The following MRE11 variants were observed in gnomAD, a reference collection of about 807,000 sequenced individuals.
MRE11 encodes the protein MRE11 double strand break repair nuclease, also known as double-strand break repair protein MRE11.
Under a neutral mutation model 91.7 loss-of-function variants are expected in MRE11, and 62 were observed. The observed-to-expected ratio is 0.68, with a 90% confidence interval of 0.55 to 0.84. The LOEUF (loss-of-function observed/expected upper bound fraction) is 0.84. Ranked by LOEUF, MRE11 falls within the 40% of genes least tolerant of loss-of-function variation. The pLI is 0.00. For synonymous variants in MRE11, 273 were observed against 271.4 expected, an observed-to-expected ratio of 1.01 and a Z score of -0.06; for missense variants, 796 against 852.9, an observed-to-expected ratio of 0.93 and a Z score of 0.83.
intron 16 of MRE11, among the ~76,000 whole-genome samples, chr11:94,443,843 C>T (rs762995034): frequency 4.0e-5 from 6 of 151,682 alleles, no homozygotes; most frequent in Non-Finnish European, 5.9e-5. Context: ...ACATTTTACA[C>T]GATAGAACAT....
At position 94,419,263 on chromosome 11, in the gene MRE11, T is replaced by C. The variant is rs1387336533; in HGVS notation, c.*862A>G. ...ATATTGTTAATGAGAAATCCTGGCA[T>C]TGACATTCCACATTAAATATATTTC... is the stretch of plus-strand genomic sequence containing the variant. On this transcript the variant is annotated 3_prime_UTR_variant, in exon 20 of 20. Coordinates refer to ENST00000323929, the MANE Select transcript of MRE11 (RefSeq NM_005591.4). The C allele has an allele frequency of 2.6e-5, 6 of 232,866 alleles. No individual in the cohort carries two copies. The highest frequency in any genetic ancestry group is 1.8e-4 in the South Asian group (1 of 5,526). The allele number at this position is 232,866 out of a possible 1,614,324, so 14.4% of individuals were successfully genotyped here.
chr11:94,457,320 G>C (rs1038905220), intron 13 of MRE11, among the ~76,000 whole-genome samples: 82 of 152,278 alleles, frequency 5.4e-4, no homozygotes, highest in African/African-American at 1.8e-3. Flanking sequence ...AGCCTGAGTG[G>C]ATAGATTTAA....
chr11:94,469,455 A>G (rs1000831298), intron 9 of MRE11, among the ~76,000 whole-genome samples: 2 of 152,182 alleles, frequency 1.3e-5, no homozygotes, highest in Non-Finnish European at 2.9e-5. Context: ...GGAAGGGCAC[A>G]TGACTCAGGC....
chr11:94,452,229 C>CCCTA (rs1381671205), intron 14 of MRE11, among the ~76,000 whole-genome samples: 1 of 148,954 alleles, frequency 6.7e-6, no homozygotes, highest in Non-Finnish European at 1.5e-5. Flanking sequence ...AAGACCAATA[C>CCCTA]CCTACTCGAA....
In MRE11 at chr11:94,488,666, G is replaced by A. The variant is rs143807277; in HGVS notation, c.153+2167C>T. ...TGTCCTTTGCAGGGACACGGATGGA[G>A]CTGGAGGCCATCATCCTTAGCAAAC... is the stretch of plus-strand genomic sequence containing the variant. On this transcript the variant is annotated intron_variant, in intron 3 of 19. Transcript: ENST00000323929. 6.1e-3 allele frequency among the ~76,000 whole-genome samples: 926 copies of A among 152,296 alleles called. 5 individuals carry two copies. Among genetic ancestry groups the A allele is most frequent in the African/African-American group, 0.02 (838 of 41,568 alleles).
intron 19 of MRE11, among the ~76,000 whole-genome samples, chr11:94,425,088 CA>C (rs541251296): frequency 2.8e-4 from 43 of 152,242 alleles, no homozygotes; most frequent in African/African-American, 9.6e-4. Flanking sequence ...ATCTTAAAGG[CA>C]GCTAGACAGA....
chr11:94,485,023 C>A lies in MRE11; in HGVS notation c.314+901G>T, dbSNP rs1419332643. On this transcript the variant is annotated intron_variant, in intron 4 of 19. Transcript: ENST00000323929. ...GGTCTGGAGTTCAAGACCAGCCTGG[C>A]CAACATGGCAAAACCCTGTCTCTAC... is the stretch of plus-strand genomic sequence containing the variant. 2.0e-5 allele frequency among the ~76,000 whole-genome samples: 3 copies of A among 152,116 alleles called. 1 individual carries two copies. The highest frequency in any genetic ancestry group is 1.3e-4 in the Admixed American group (2 of 15,278).
intron 15 of MRE11, 22 bp downstream of exon 15, chr11:94,447,197 C>T (rs2053076932): frequency 6.2e-7 from 1 of 1,606,470 alleles, no homozygotes; most frequent in African/African-American, 1.3e-5. Context: ...TGAATGTGCA[C>T]AGGACTGAAC....
the MRE11 span, among the ~76,000 whole-genome samples, chr11:94,511,182 T>TCTC: frequency 6.6e-6 from 1 of 151,952 alleles, no homozygotes; most frequent in African/African-American, 2.4e-5. Flanking sequence ...TCGCTCTCTC[T>TCTC]CTATATATAT....
chr11:94,437,069 G>A, intron 17 of MRE11, 108 bp downstream of exon 17: 2 of 972,372 alleles, frequency 2.1e-6, no homozygotes, highest in South Asian at 1.6e-5. Context: ...CAGCTTTAAT[G>A]TTCCATAATT....
chr11:94,481,227 T>C (rs1481200176), intron 4 of MRE11, among the ~76,000 whole-genome samples: 1 of 151,992 alleles, frequency 6.6e-6, no homozygotes, highest in African/African-American at 2.4e-5. Context: ...GACAAGTGCT[T>C]GAATCTGGGA....
intron 19 of MRE11, among the ~76,000 whole-genome samples, chr11:94,427,485 G>GATA (rs1396104154): frequency 3.9e-5 from 6 of 152,112 alleles, no homozygotes; most frequent in South Asian, 4.1e-4. Context: ...ACTGGAAAAA[G>GATA]ATAAGAATGC....
chr11:94,421,755 AC>A (rs1182714000), intron 19 of MRE11, among the ~76,000 whole-genome samples: 2 of 152,248 alleles, frequency 1.3e-5, no homozygotes, highest in Admixed American at 1.3e-4. Context: ...ACAGGCTACA[AC>A]GTAGATAAAC....
At position 94,419,930 on chromosome 11, in the gene MRE11, A is replaced by G. The variant is rs1220525699; in HGVS notation, c.*195T>C. 4 of 452,392 alleles carry G rather than the reference A, an allele frequency of 8.8e-6. No individual in the cohort carries two copies. The highest frequency in any genetic ancestry group is 1.6e-5 in the Non-Finnish European group (4 of 250,452). 28.0% of individuals were successfully genotyped at this position (452,392 alleles called of 1,614,324 possible). Reference sequence around the variant, plus strand: ...ATCTTTACTCAAGAGTGATATTGAAACAAAGCTCTTACTACAACAACCAGG... The same window carrying G: ...ATCTTTACTCAAGAGTGATATTGAAGCAAAGCTCTTACTACAACAACCAGG... On this transcript the variant is annotated 3_prime_UTR_variant, in exon 20 of 20. Coordinates refer to ENST00000323929, the MANE Select transcript of MRE11 (RefSeq NM_005591.4).
At chr11:94,464,031 T>C (rs962956295) in intron 11 of MRE11, 82 bp downstream of exon 11, 3 of 1,426,484 alleles carry the variant, frequency 2.1e-6, no homozygotes, top group Middle Eastern at 2.5e-4. Flanking sequence ...CATCTTCCAT[T>C]ATTATGTTAC....
intron 18 of MRE11, among the ~76,000 whole-genome samples, chr11:94,431,805 T>C (rs1043154295): frequency 2.0e-5 from 3 of 152,224 alleles, no homozygotes; most frequent in Admixed American, 2.0e-4. Context: ...ACCAAACAAC[T>C]GTGAGTTATA....
Position 94,467,805 on chromosome 11 carries a change from G to T in MRE11, c.1098+8C>A, listed in dbSNP as rs749039246. 2.7e-5 allele frequency: 43 copies of T among 1,596,712 alleles called. No homozygotes were observed. Among genetic ancestry groups the T allele is most frequent in the Admixed American group, 1.3e-4 (8 of 59,968 alleles). On this transcript the variant is annotated splice_region_variant and intron_variant, in intron 10 of 19. Coordinates refer to ENST00000323929, the MANE Select transcript of MRE11 (RefSeq NM_005591.4). ...TAATAATATTCAATCTATATAAATA[G>T]GACTTACTCGCAGTCGTACAAGAGG...
rs761857022 is a variant in MRE11, at chr11:94,471,766, C to A, written c.660-7G>T. On this transcript the variant is annotated splice_region_variant and splice_polypyrimidine_tract_variant and intron_variant, in intron 7 of 19. Transcript: ENST00000323929. ...AGTACTTCCATGTTTACTCCTGTAT[C>A]AAGATTTTGAAAAATATAAATTCGG... 2 of 1,605,360 alleles carry A rather than the reference C, an allele frequency of 1.2e-6. No individual in the cohort carries two copies. The highest frequency in any genetic ancestry group is 1.7e-5 in the Admixed American group (1 of 59,526).
At chr11:94,458,189 T>G (rs1946313017) in intron 13 of MRE11, among the ~76,000 whole-genome samples, 1 of 151,950 alleles carries the variant, frequency 6.6e-6, no homozygotes, top group Non-Finnish European at 1.5e-5. Flanking sequence ...TGAGTTTTTT[T>G]TTTTTTTTTA....
Sources: allele counts gnomAD v4.1 joint callset (sites outside exome capture counted in the v4.1 genomes callset), GRCh38; gene constraint gnomAD v4.1.1; transcripts MANE v1.5; gene names NCBI Gene and HGNC (gene_info 2026-07-23, HGNC 2026-07-21).